The following IQCB1 variants were observed in gnomAD, a reference collection of about 807,000 sequenced individuals.
IQCB1 encodes the protein IQ motif containing B1.
Under a neutral mutation model 84.4 loss-of-function variants are expected in IQCB1, and 56 were observed. The observed-to-expected ratio is 0.66, with a 90% confidence interval of 0.54 to 0.83. The LOEUF (loss-of-function observed/expected upper bound fraction) is 0.83, where lower values mean the gene tolerates loss of function less well. IQCB1 is among the 40% of genes least tolerant of loss of function. The pLI is 0.00. For missense variants in IQCB1, 629 were observed against 682.1 expected (o/e 0.92, Z 0.87); for synonymous variants, 210 against 234.8 (o/e 0.89, Z 0.96).
chr3:121,785,067 T>C (rs762455493), intron 12 of IQCB1, among the ~76,000 whole-genome samples: 3 of 152,150 alleles, frequency 2.0e-5, no homozygotes, highest in Admixed American at 6.5e-5. Flanking sequence ...TTCCTTGATT[T>C]TTCTCTTTTA....
chr3:121,796,353 T>C (rs1053974529), intron 9 of IQCB1, among the ~76,000 whole-genome samples: 1 of 152,106 alleles, frequency 6.6e-6, no homozygotes, highest in Non-Finnish European at 1.5e-5. Context: ...ATTTTGGATA[T>C]ACAATGTCCC....
intron 12 of IQCB1, among the ~76,000 whole-genome samples, chr3:121,783,830 T>C (rs1400572926): frequency 6.6e-6 from 1 of 152,296 alleles, no homozygotes; most frequent in East Asian, 1.9e-4. Flanking sequence ...TTCCCTCTTA[T>C]CTAAAAATGT....
intron 12 of IQCB1, 73 bp from the exon 13 acceptor site, chr3:121,781,947 A>C: frequency 7.2e-7 from 1 of 1,389,948 alleles, no homozygotes; most frequent in Non-Finnish European, 1.0e-6. Flanking sequence ...ACTACAACAT[A>C]TGGTAGTGAT....
chr3:121,770,550 T>C lies in IQCB1; in HGVS notation c.1592A>G (p.Glu531Gly). Residue 531 changes from glutamate (E) to glycine (G), a missense_variant, in exon 15 of 15, where the codon GAA becomes GGA. By Grantham distance (98) the Glu-to-Gly change is moderately conservative (BLOSUM62 -2). Transcript: ENST00000310864. ...LMKAPSLKEA[E>G]GKEPELFLSR... is the part of the protein sequence containing the mutation. Reference sequence around the variant, plus strand: ...TAGGAAGAGCTCAGGTTCTTTCCCTTCTGCCTCCTTCAGACTTGGTGCCTC... The same window carrying C: ...TAGGAAGAGCTCAGGTTCTTTCCCTCCTGCCTCCTTCAGACTTGGTGCCTC... 1.2e-6 allele frequency: 2 copies of C among 1,613,834 alleles called. No individual in the cohort carries two copies. The highest frequency in any genetic ancestry group is 1.7e-6 in the Non-Finnish European group (2 of 1,179,970).
chr3:121,819,313 A>G (rs1336502599), intron 5 of IQCB1, among the ~76,000 whole-genome samples: 1 of 152,194 alleles, frequency 6.6e-6, no homozygotes, highest in Non-Finnish European at 1.5e-5. Flanking sequence ...TCACCTGCAC[A>G]GTTCACAATA....
chr3:121,807,587 T>C, intron 6 of IQCB1, 144 bp from the exon 7 acceptor site: 1 of 565,312 alleles, frequency 1.8e-6, no homozygotes, highest in South Asian at 2.0e-5. Flanking sequence ...AAGAAGACTT[T>C]AAGATGTAAA....
At chr3:121,823,060 G>A (rs1400643262) in intron 5 of IQCB1, among the ~76,000 whole-genome samples, 1 of 152,042 alleles carries the variant, frequency 6.6e-6, no homozygotes, top group Non-Finnish European at 1.5e-5. Flanking sequence ...AATAAGAGAA[G>A]CAAATAAAAA....
At position 121,834,376 on chromosome 3, in the gene IQCB1, T is replaced by G. The variant is rs1185409782; in HGVS notation, c.-13+15A>C. 6.6e-6 allele frequency: 1 copy of G among 152,330 alleles called. No homozygotes were observed. The highest frequency in any genetic ancestry group is 1.5e-5 in the Non-Finnish European group (1 of 68,022). 9.4% of individuals were successfully genotyped at this position (152,330 alleles called of 1,614,324 possible). On this transcript the variant is annotated intron_variant, in intron 2 of 14. Coordinates refer to ENST00000310864, the MANE Select transcript of IQCB1 (RefSeq NM_001023570.4). ...ACACAAAAAGACAATTATTTATCTA[T>G]TTTAAGGCTACTACCCTGTTGCCAG...
At position 121,769,971 on chromosome 3, in the gene IQCB1, A is replaced by G. The variant is rs888336028; in HGVS notation, c.*374T>C. 3.7e-5 allele frequency: 7 copies of G among 188,370 alleles called. 1 individual carries two copies. The highest frequency in any genetic ancestry group is 7.9e-5 in the Non-Finnish European group (7 of 88,974). The allele number at this position is 188,370 out of a possible 1,614,324, so 11.7% of individuals were successfully genotyped here. On this transcript the variant is annotated 3_prime_UTR_variant, in exon 15 of 15. Transcript: ENST00000310864. ...TAGGAATTTCAGATAACAAATGTGA[A>G]AAGTTGAAATAATCCTGACAAATTT...
chr3:121,780,881 TGTGAGA>T (rs1231830979), intron 13 of IQCB1, among the ~76,000 whole-genome samples: 6 of 145,544 alleles, frequency 4.1e-5, no homozygotes, highest in Admixed American at 2.0e-4. Context: ...TGTGTGTGTG[TGTGAGA>T]GAGAGAGAGA....
At position 121,797,170 on chromosome 3, in the gene IQCB1, C is replaced by T. The variant is rs1407473224; in HGVS notation, c.824G>A (p.Arg275Lys). ...TGGGCTTAAAAGGCCAACAAGCTGT[C>T]TAAGTTCTTGACTGAATTCAGTCCC... The part of the protein sequence containing the change: ...ETGTEFSQEL[R>K]QLVGLLSPMV... The change falls in exon 9 of 15, where the codon AGA becomes AAA. Residue 275 changes from arginine (R) to lysine (K), a missense_variant. Transcript: ENST00000310864. 10 of 1,611,006 alleles carry T rather than the reference C, an allele frequency of 6.2e-6. No homozygotes were observed. The highest frequency in any genetic ancestry group is 7.6e-6 in the Non-Finnish European group (9 of 1,178,400).
chr3:121,822,476 T>G (rs1950309716), intron 5 of IQCB1, among the ~76,000 whole-genome samples: 1 of 152,186 alleles, frequency 6.6e-6, no homozygotes, highest in Non-Finnish European at 1.5e-5. Flanking sequence ...AGCTTCAAAA[T>G]CTATATACAA....
rs776778178 is a variant in IQCB1, at chr3:121,770,372, T to G, written c.1770A>C (p.Leu590Phe). 1 of 1,613,418 alleles carries G rather than the reference T, an allele frequency of 6.2e-7. No homozygotes were observed. The highest frequency in any genetic ancestry group is 8.5e-7 in the Non-Finnish European group (1 of 1,179,346). ...AAGGTGGTTTGGTTCCACCAATGAA[T>G]AAATTTTCTAATTCTATACTAAGCT... ...KDELSIELEN[L>F]FIGGTKPP The change falls in exon 15 of 15, where the codon TTA becomes TTC. Residue 590 changes from leucine to phenylalanine, a missense_variant. Coordinates refer to ENST00000310864, the MANE Select transcript of IQCB1 (RefSeq NM_001023570.4).
chr3:121,789,990 AATC>A (rs1205542346), intron 11 of IQCB1, 80 bp downstream of exon 11: 5 of 1,229,366 alleles, frequency 4.1e-6, no homozygotes, highest in South Asian at 1.2e-5. Context: ...TTTAAAAAAA[AATC>A]ATCACGTAGC....
chr3:121,835,014 C>A lies in IQCB1; in HGVS notation c.-150G>T. 1.9e-6 allele frequency: 1 copy of A among 518,804 alleles called. No individual in the cohort carries two copies. The highest frequency in any genetic ancestry group is 2.5e-5 in the South Asian group (1 of 39,878). 32.1% of individuals were successfully genotyped at this position (518,804 alleles called of 1,614,324 possible). On this transcript the variant is annotated 5_prime_UTR_variant, in exon 1 of 15. Transcript: ENST00000310864. ...CACTAAAGAACCTGGGGCTCCCACG[C>A]CGCACTACAGCGCCGCGGCCTTCCG...
intron 7 of IQCB1, 133 bp downstream of exon 7, chr3:121,807,211 C>G (rs781012365): frequency 1.6e-6 from 1 of 625,918 alleles, no homozygotes; most frequent in Admixed American, 2.4e-5. Flanking sequence ...ACATTATATA[C>G]GAGTATATAG....
chr3:121,778,585 A>T (rs559100194), intron 13 of IQCB1, among the ~76,000 whole-genome samples: 1 of 151,928 alleles, frequency 6.6e-6, no homozygotes, highest in African/African-American at 2.4e-5. Flanking sequence ...TAGGTTGACA[A>T]CTTTTTTTCC....
chr3:121,797,093 A>ATTTT, intron 9 of IQCB1, 25 bp downstream of exon 9: 2 of 951,950 alleles, frequency 2.1e-6, no homozygotes, highest in Non-Finnish European at 3.2e-6. Flanking sequence ...ATATCATGCA[A>ATTTT]TTTTTTTTTT....
intron 5 of IQCB1, among the ~76,000 whole-genome samples, chr3:121,809,273 G>T (rs1337296860): frequency 6.6e-6 from 1 of 151,842 alleles, no homozygotes; most frequent in Non-Finnish European, 1.5e-5. Flanking sequence ...GATACACTAG[G>T]ATGTCTTAAT....
Sources: allele counts gnomAD v4.1 joint callset (sites outside exome capture counted in the v4.1 genomes callset), GRCh38; gene constraint gnomAD v4.1.1; transcripts MANE v1.5; gene names NCBI Gene and HGNC (gene_info 2026-07-23, HGNC 2026-07-21).